ASMT: variants seen among roughly 807,000 people sequenced by gnomAD.
The protein encoded by ASMT is acetylserotonin N-methyltransferase.
A neutral mutation model predicts 41.3 loss-of-function variants in ASMT; 53 were observed. The ratio of observed to expected loss-of-function variants is 1.28; its 90% CI spans 1.03 to 1.61. ASMT has a LOEUF of 1.61. Ranked by LOEUF, ASMT falls within the 40% of genes most tolerant of loss-of-function variation. The pLI, the probability that ASMT is intolerant of heterozygous loss-of-function variation, is 0.00. For missense variants in ASMT, 531 were observed against 441.3 expected, an observed-to-expected ratio of 1.20 and a Z score of -1.82; for synonymous variants, 231 against 184.8, an observed-to-expected ratio of 1.25 and a Z score of -2.03.
At chrX:1,628,889 C>G (rs1322842443) in intron 4 of ASMT, among the ~76,000 whole-genome samples, 2 of 151,032 alleles carry the variant, frequency 1.3e-5, no homozygotes, top group African/African-American at 4.9e-5. Flanking sequence ...CTCCTCCTCT[C>G]TTCTCCTCGG....
chrX:1,621,435 A>G (rs1295296375), intron 1 of ASMT, among the ~76,000 whole-genome samples: 6 of 151,000 alleles, frequency 4.0e-5, no homozygotes, highest in Non-Finnish European at 8.8e-5. Context: ...CTCCTGCCTC[A>G]CCCTCCCCAG....
chrX:1,615,828 A>T (rs1255593901), intron 1 of ASMT, among the ~76,000 whole-genome samples: 1 of 152,022 alleles, frequency 6.6e-6, no homozygotes, highest in African/African-American at 2.4e-5. Context: ...AACAACAAAA[A>T]AAAAGAAACA....
intron 1 of ASMT, among the ~76,000 whole-genome samples, chrX:1,622,288 G>A (rs55843032): frequency 0.17 from 25,859 of 150,848 alleles, 2,237 homozygotes; most frequent in Admixed American, 0.28. Context: ...CACCACGCCC[G>A]GTCCTCTGTC....
At chrX:1,628,703 C>G (rs1272707581) in intron 4 of ASMT, among the ~76,000 whole-genome samples, 2 of 150,568 alleles carry the variant, frequency 1.3e-5, no homozygotes, top group African/African-American at 4.9e-5. Flanking sequence ...CTCTCTTTTC[C>G]TCTCCATCTT....
chrX:1,637,406 A>G (rs370448202), intron 8 of ASMT, among the ~76,000 whole-genome samples: 2 of 1,502 alleles, frequency 1.3e-3, no homozygotes, highest in East Asian at 0.014. Flanking sequence ...GCCTCTGTGT[A>G]TGATGGGGAC....
In ASMT at chrX:1,633,232, G is replaced by A; in HGVS notation, c.729G>A (p.Val243=). The A allele has an allele frequency of 6.2e-7, 1 of 1,613,944 alleles. No homozygotes were observed. The highest frequency in any genetic ancestry group is 8.5e-7 in the Non-Finnish European group (1 of 1,179,868). Reference sequence around the variant, plus strand: ...CCGTTTTTGACATCCCAGAAGTGGTGTGGACGGCAAAGCAGCACTTCTCAT... The same window carrying A: ...CCGTTTTTGACATCCCAGAAGTGGTATGGACGGCAAAGCAGCACTTCTCAT... ...KITVFDIPEV[V]WTAKQHFSFQ... is the part of the protein sequence containing the mutation. The change falls in exon 7 of 9, where the codon GTG becomes GTA. Residue 243 remains valine (V), a synonymous_variant. Transcript: ENST00000381241.
chrX:1,642,658 G>T, intron 8 of ASMT, 145 bp from the exon 9 acceptor site: 1 of 741,364 alleles, frequency 1.3e-6, no homozygotes, highest in Non-Finnish European at 2.4e-6. Flanking sequence ...GATCGATGAG[G>T]ACGTGGGCAC....
At chrX:1,620,739 A>G (rs1352583538) in intron 1 of ASMT, among the ~76,000 whole-genome samples, 1 of 152,098 alleles carries the variant, frequency 6.6e-6, no homozygotes, top group African/African-American at 2.4e-5. Context: ...ATACAAAAAA[A>G]TTAGCCTGGC....
At chrX:1,628,748 CCTCTCTCTTCTT>C in intron 4 of ASMT, among the ~76,000 whole-genome samples, 2 of 151,180 alleles carry the variant, frequency 1.3e-5, no homozygotes, top group South Asian at 4.2e-4. Context: ...TCTCTTGTCT[CCTCTCTCTTCTT>C]CCCTCTCTCC....
rs751093554 is a variant in ASMT at position 1,615,168 on chromosome X, G to A, written c.-32G>A. On this transcript the variant is annotated 5_prime_UTR_variant, in exon 1 of 9. Transcript: ENST00000381241. ...GCTCCTTGAAGCAAGCGCTCCAGAG[G>A]CTCCGGAAGCCACGGCTGGATTGGA... 2.6e-6 allele frequency: 4 copies of A among 1,568,516 alleles called. No homozygotes were observed. In the South Asian group the frequency reaches 3.5e-5, roughly 14 times the overall value.
chrX:1,635,409 T>C (rs1381122624), intron 7 of ASMT, among the ~76,000 whole-genome samples: 8 of 152,108 alleles, frequency 5.3e-5, no homozygotes. Context: ...GGGTCAGTCT[T>C]GCGTATTTAC....
intron 7 of ASMT, 192 bp from the exon 8 acceptor site, chrX:1,636,246 C>G: frequency 1.2e-6 from 1 of 827,398 alleles, no homozygotes; most frequent in Non-Finnish European, 2.1e-6. Context: ...CGTGAGCCAC[C>G]GCGCCCGACC....
chrX:1,615,767 ACTCCC>A (rs1569367416), intron 1 of ASMT, among the ~76,000 whole-genome samples: 12 of 151,904 alleles, frequency 7.9e-5, no homozygotes, highest in East Asian at 5.9e-4. Context: ...GCACCACTGC[ACTCCC>A]GCCTGGGGGA....
At chrX:1,630,592 T>G (rs1934737409) in intron 5 of ASMT, among the ~76,000 whole-genome samples, 1 of 152,010 alleles carries the variant, frequency 6.6e-6, no homozygotes, top group Non-Finnish European at 1.5e-5. Context: ...GGGTCCTGTT[T>G]GTCACCCAGG....
intron 1 of ASMT, among the ~76,000 whole-genome samples, chrX:1,619,587 TAAA>T (rs1266154476): frequency 3.7e-5 from 5 of 136,174 alleles, no homozygotes; most frequent in African/African-American, 1.1e-4. Context: ...ATAATAATAA[TAAA>T]AAGTCTTTGG....
rs765536686 is a variant in ASMT, at chrX:1,629,945, T to C, written c.562+6T>C. The stretch of plus-strand genomic sequence containing the variant: ...ACTTATGTGTGACCTTGGTGGTAAG[T>C]ACCCCTCACCACTAATACCTCGGAG... On this transcript the variant is annotated splice_donor_region_variant and intron_variant, in intron 5 of 8. Transcript: ENST00000381241. 1 of 1,607,112 alleles carries C rather than the reference T, an allele frequency of 6.2e-7. No individual in the cohort carries two copies. Among genetic ancestry groups the C allele is most frequent in the Non-Finnish European group, 8.5e-7 (1 of 1,173,634 alleles).
rs775828591 is a variant in ASMT, at chrX:1,633,078, A to T, written c.647-72A>T. ...CCTGGGTTGGACCCTTCATGAGTCC[A>T]TGGTGTGTGGAGGGTGAGCGATGTC... On this transcript the variant is annotated intron_variant, in intron 6 of 8. Coordinates refer to ENST00000381241, the MANE Select transcript of ASMT (RefSeq NM_001171038.2). The T allele has an allele frequency of 3.8e-6, 6 of 1,587,958 alleles. No homozygotes were observed. In the South Asian group the frequency reaches 5.5e-5, roughly 15 times the overall value.
intron 3 of ASMT, 53 bp from the exon 4 acceptor site, chrX:1,627,638 TGAAATGAAATGA>T (rs1487527501): frequency 9.8e-6 from 4 of 408,452 alleles, no homozygotes; most frequent in African/African-American, 2.4e-4. Flanking sequence ...TGAAACGAAA[TGAAATGAAATGA>T]AATGAAATGA....
At chrX:1,629,677 C>T in intron 4 of ASMT, 144 bp from the exon 5 acceptor site, 4 of 829,360 alleles carry the variant, frequency 4.8e-6, no homozygotes, top group Non-Finnish European at 6.4e-6. Context: ...TCCCGAATGA[C>T]TTCCTGTTCC....
Sources: gnomAD v4.1 joint callset for allele counts (sites outside exome capture counted in the v4.1 genomes callset) on GRCh38, gnomAD v4.1.1 for gene constraint, MANE v1.5 for transcripts, NCBI Gene and HGNC (gene_info 2026-07-23, HGNC 2026-07-21) for gene names.